Variants in ARL10 observed in about 807,000 individuals in gnomAD.
ARL10 encodes the protein ARF like GTPase 10.
Under a neutral mutation model 26.1 loss-of-function variants are expected in ARL10, and 23 were observed. The observed-to-expected ratio is 0.88, with a 90% CI of 0.63 to 1.25. The LOEUF is 1.25. ARL10 is among the 50% of genes most tolerant of loss of function. ARL10 has a pLI of 0.00. For missense variants in ARL10, 300 were observed against 323.6 expected, an observed-to-expected ratio of 0.93 and a Z score of 0.56; for synonymous variants, 138 against 149.1, an observed-to-expected ratio of 0.93 and a Z score of 0.54.
chr5:176,396,140 A>C (rs112385124), intron 1 of ARL10, among the ~76,000 whole-genome samples: 19 of 152,120 alleles, frequency 1.2e-4, no homozygotes, highest in African/African-American at 4.6e-4. Flanking sequence ...CATCTCAAAA[A>C]ACAAAAAACC....
At chr5:176,389,259 G>C (rs979069126), downstream of ARL10, 14 of 1,517,972 alleles carry the variant, frequency 9.2e-6, no homozygotes, top group African/African-American at 1.2e-4. Context: ...CTTTGGGGAA[G>C]CGAGACCCAA....
At chr5:176,388,133 G>A in intron 1 of ARL10, 1 of 865,416 alleles carries the variant, frequency 1.2e-6, no homozygotes, top group Admixed American at 2.2e-5. Flanking sequence ...AACTCGGAAG[G>A]GCCTGAGGGA....
downstream of ARL10, among the ~76,000 whole-genome samples, chr5:176,392,260 C>T (rs1185856172): frequency 6.6e-6 from 1 of 152,232 alleles, no homozygotes; most frequent in African/African-American, 2.4e-5. The surrounding 1 kb of genome is among the most constrained non-coding windows in gnomAD (Gnocchi z 5.2). Flanking sequence ...ACAGAATTTA[C>T]CTCACAGACT....
chr5:176,386,782 T>C, downstream of ARL10: 1 of 1,488,790 alleles, frequency 6.7e-7, no homozygotes, highest in Non-Finnish European at 9.4e-7. Context: ...CTTAGGGCCC[T>C]TCCCAGCTTC....
rs539521155 is a variant in ARL10 at position 176,399,096 on chromosome 5, G to A, written c.134-2645G>A. ...CGACCTCAGGTGATCCACCGGCCTC[G>A]GCCTCCCCAAGTGCTGGGATTACAG... On this transcript the variant is annotated intron_variant, in intron 1 of 1. Coordinates refer to the ARL10 transcript ENST00000514533. 3.3e-5 allele frequency among the ~76,000 whole-genome samples: 5 copies of A among 152,052 alleles called. No homozygotes were observed. In the South Asian group the frequency reaches 6.3e-4, roughly 19 times the overall value.
At chr5:176,389,089 C>G (rs1756146605), downstream of ARL10, 1 of 1,362,522 alleles carries the variant, frequency 7.3e-7, no homozygotes, top group Non-Finnish European at 1.0e-6. Context: ...AGAGAAGAGA[C>G]GAGGGGGCGG....
At position 176,374,023 on chromosome 5, in the gene ARL10, TAA is replaced by T. The variant is rs2113557413; in HGVS notation, c.*2129_*2130del. On this transcript the variant is annotated 3_prime_UTR_variant, in exon 4 of 4. Coordinates refer to ENST00000310389, the MANE Select transcript of ARL10 (RefSeq NM_173664.6). Reference sequence around the variant, plus strand: ...ACATTTATAGCCAGAGAAACGAAAATAACTTAGGTTGCCTGATTGGCTGCAGT... The same window carrying T: ...ACATTTATAGCCAGAGAAACGAAAATCTTAGGTTGCCTGATTGGCTGCAGT... The T allele has an allele frequency of 6.6e-6, 1 of 152,242 alleles. No individual in the cohort carries two copies. The highest frequency in any genetic ancestry group is 1.9e-4 in the East Asian group (1 of 5,176). The allele number at this position is 152,242 out of a possible 1,614,324, so 9.4% of individuals were successfully genotyped here. A position where few individuals can be genotyped will look rare whatever the true frequency, so the allele number is the denominator to read the frequency against.
chr5:176,389,610 G>A, downstream of ARL10: 1 of 1,169,624 alleles, frequency 8.5e-7, no homozygotes, highest in South Asian at 1.6e-5. Flanking sequence ...CCCATGTGTC[G>A]CTGGGGAGGA....
downstream of ARL10, chr5:176,384,296 A>C (rs1442444633): frequency 1.2e-6 from 2 of 1,614,218 alleles, no homozygotes; most frequent in South Asian, 1.1e-5. Flanking sequence ...GCTGGGTAAA[A>C]GCGTTTATAG....
In ARL10 at chr5:176,371,852, G is replaced by C; in HGVS notation, c.692G>C (p.Gly231Ala). Residue 231 changes from glycine to alanine, a missense_variant, in exon 4 of 4, where the codon GGC (glycine) becomes GCC (alanine). By Grantham distance (60) the Gly-to-Ala change is moderately conservative (BLOSUM62 0). Transcript: ENST00000310389. The part of the protein sequence containing the change: ...APAGPTFEEP[G>A]TVHIWKLLLE... ...GCAGGACCCACCTTTGAAGAGCCTG[G>C]CACCGTGCACATCTGGAAACTGCTC... 1 of 1,614,204 alleles carries C rather than the reference G, an allele frequency of 6.2e-7. No individual in the cohort carries two copies. Among genetic ancestry groups the C allele is most frequent in the South Asian group, 1.1e-5 (1 of 91,086 alleles).
downstream of ARL10, chr5:176,383,858 T>C (rs1755617596): frequency 1.1e-6 from 1 of 920,712 alleles, no homozygotes; most frequent in Non-Finnish European, 1.6e-6. Flanking sequence ...ACAGGCGGGA[T>C]GGCCTCTCAG....
In ARL10 at chr5:176,365,525, G is replaced by T; in HGVS notation, c.-39G>T. The T allele has an allele frequency of 1.6e-6, 2 of 1,217,576 alleles. No homozygotes were observed. The highest frequency in any genetic ancestry group is 1.0e-6 in the Non-Finnish European group (1 of 978,602). The allele number at this position is 1,217,576 out of a possible 1,614,324, so 75.4% of individuals were successfully genotyped here. Reference sequence around the variant, plus strand: ...CCATCTTCGGCGGGCGAGTGGGCTCGGCCTGTGCAACCCGCACCTGCGTCC... The same window carrying T: ...CCATCTTCGGCGGGCGAGTGGGCTCTGCCTGTGCAACCCGCACCTGCGTCC... On this transcript the variant is annotated 5_prime_UTR_variant, in exon 1 of 4. Coordinates refer to ENST00000310389, the MANE Select transcript of ARL10 (RefSeq NM_173664.6).
At position 176,372,185 on chromosome 5, in the gene ARL10, C is replaced by A; in HGVS notation, c.*290C>A. On this transcript the variant is annotated 3_prime_UTR_variant, in exon 4 of 4. Coordinates refer to ENST00000310389, the MANE Select transcript of ARL10 (RefSeq NM_173664.6). ...CCAGCTTTCCCTTCTCTTACCTGTA[C>A]AGTGAGATGCTCAGTGGGCTCAATC... 1.1e-6 allele frequency: 1 copy of A among 901,932 alleles called. No homozygotes were observed. The highest frequency in any genetic ancestry group is 1.5e-6 in the Non-Finnish European group (1 of 674,202). The allele number at this position is 901,932 out of a possible 1,614,324, so 55.9% of individuals were successfully genotyped here.
downstream of ARL10, chr5:176,385,214 C>T (rs10042045): frequency 5.6e-5 from 88 of 1,559,962 alleles, no homozygotes; most frequent in Non-Finnish European, 6.2e-5. Flanking sequence ...GGGCCTGAGC[C>T]GCTCACCTTA....
At chr5:176,388,141 G>A (rs1490157982) in intron 1 of ARL10, 3 of 929,404 alleles carry the variant, frequency 3.2e-6, no homozygotes, top group East Asian at 2.5e-5. Flanking sequence ...AGGGCCTGAG[G>A]GAAGGAATGG....
chr5:176,414,155 G>C, the ARL10 span, among the ~76,000 whole-genome samples: 2 of 152,044 alleles, frequency 1.3e-5, no homozygotes, highest in Non-Finnish European at 1.5e-5. Flanking sequence ...TCCCCACAAG[G>C]CCTCCCTCCT....
chr5:176,388,596 T>A, exon 2 of ARL10: 1 of 1,498,856 alleles, frequency 6.7e-7, no homozygotes, highest in Non-Finnish European at 9.2e-7. Context: ...TCAGACCTCG[T>A]GTAACAAACT....
chr5:176,403,411 C>T (rs1756933133), downstream of ARL10, among the ~76,000 whole-genome samples: 1 of 151,586 alleles, frequency 6.6e-6, no homozygotes, highest in Admixed American at 6.6e-5. Flanking sequence ...TTAATCTTCG[C>T]AACCCTACAT....
rs1768677030 is a variant in ARL10 at position 176,375,474 on chromosome 5, GCAGGAACTCCACTGGAATATTTGCT to G, written c.*3584_*3608del. On this transcript the variant is annotated 3_prime_UTR_variant, in exon 4 of 4. Transcript: ENST00000310389. Reference sequence around the variant, plus strand: ...CCTCACTGCCGCCAAAAGTGAGTCCGCAGGAACTCCACTGGAATATTTGCTCAGGGGAAACTAACTAATCATCTGT... The same window carrying G: ...CCTCACTGCCGCCAAAAGTGAGTCCGCAGGGGAAACTAACTAATCATCTGT... 6.6e-6 allele frequency: 1 copy of G among 152,052 alleles called. No individual in the cohort carries two copies. Among genetic ancestry groups the G allele is most frequent in the Non-Finnish European group, 1.5e-5 (1 of 68,008 alleles). The allele number at this position is 152,052 out of a possible 1,614,324, so 9.4% of individuals were successfully genotyped here.
Sources: gnomAD v4.1 joint callset for allele counts (sites outside exome capture counted in the v4.1 genomes callset) on GRCh38, gnomAD v4.1.1 for gene constraint, Gnocchi (gnomAD v3.1) non-coding constraint, MANE v1.5 for transcripts, NCBI Gene and HGNC (gene_info 2026-07-23, HGNC 2026-07-21) for gene names.